The following PCDH7 variants were observed in gnomAD, a reference collection of about 807,000 sequenced individuals.
PCDH7 encodes protocadherin-7.
In PCDH7, 17 loss-of-function variants were observed where a neutral mutation model predicts 58.9. The ratio of observed to expected loss-of-function variants is 0.29; its 90% CI spans 0.20 to 0.43. PCDH7 has a LOEUF of 0.43. Among genes scored for constraint, PCDH7 ranks in the 20% least tolerant of loss-of-function variants. PCDH7 has a pLI of 1.00. For missense variants in PCDH7, 1,274 were observed against 1,441.0 expected (o/e 0.88, Z 1.88); for synonymous variants, 664 against 616.4 (o/e 1.08, Z -1.14).
At chr4:31,033,640 A>T (rs1560590810) in intron 3 of PCDH7, among the ~76,000 whole-genome samples, 1 of 152,186 alleles carries the variant, frequency 6.6e-6, no homozygotes, top group Non-Finnish European at 1.5e-5. Context: ...ACTTGCATAG[A>T]CAGTTTAATC....
At chr4:31,077,820 T>C (rs1759133280) in intron 3 of PCDH7, among the ~76,000 whole-genome samples, 1 of 152,086 alleles carries the variant, frequency 6.6e-6, no homozygotes, top group Non-Finnish European at 1.5e-5. Context: ...GATATATGAC[T>C]CTGAAATTTA....
intron 3 of PCDH7, among the ~76,000 whole-genome samples, chr4:31,127,979 G>T (rs548985078): frequency 6.6e-6 from 1 of 151,522 alleles, no homozygotes; most frequent in African/African-American, 2.4e-5. Context: ...CAGTGATCAA[G>T]TACCTATATG....
chr4:30,847,978 A>T (rs1732204780), intron 1 of PCDH7, among the ~76,000 whole-genome samples: 1 of 152,134 alleles, frequency 6.6e-6, no homozygotes, highest in Non-Finnish European at 1.5e-5. Context: ...AAACTTTTTC[A>T]TTTTGCAGCT....
At chr4:30,758,666 G>A (rs1719625825) in intron 1 of PCDH7, among the ~76,000 whole-genome samples, 1 of 152,150 alleles carries the variant, frequency 6.6e-6, no homozygotes, top group African/African-American at 2.4e-5. Flanking sequence ...GACCCTGCCT[G>A]CATCGGTGGA....
intron 3 of PCDH7, among the ~76,000 whole-genome samples, chr4:30,968,339 A>T (rs1444639406): frequency 1.2e-5 from 1 of 80,950 alleles, no homozygotes; most frequent in African/African-American, 8.1e-5. Context: ...ATATACACAC[A>T]CTATATATAT....
chr4:30,976,546 G>A (rs965349397), intron 3 of PCDH7, among the ~76,000 whole-genome samples: 18 of 150,912 alleles, frequency 1.2e-4, no homozygotes, highest in African/African-American at 3.7e-4. Context: ...GATTACAGGC[G>A]CCTGCCACCA....
intron 3 of PCDH7, among the ~76,000 whole-genome samples, chr4:31,127,543 C>T (rs1203147303): frequency 6.6e-6 from 1 of 151,954 alleles, no homozygotes; most frequent in African/African-American, 2.4e-5. Context: ...TGAAAGTCTA[C>T]CAGAAGATTT....
At chr4:30,948,628 T>C (rs1003018473) in intron 2 of PCDH7, among the ~76,000 whole-genome samples, 1 of 152,166 alleles carries the variant, frequency 6.6e-6, no homozygotes, top group South Asian at 2.1e-4. Context: ...AAAAAGTATA[T>C]GCTCAATAAT....
chr4:30,767,520 TAGC>T (rs1447775280), intron 1 of PCDH7, among the ~76,000 whole-genome samples: 1 of 152,190 alleles, frequency 6.6e-6, no homozygotes, highest in East Asian at 1.9e-4. Flanking sequence ...TGAGTTTTGC[TAGC>T]AGAAGTTCAA....
chr4:30,936,191 C>T (rs1745320402), intron 2 of PCDH7, among the ~76,000 whole-genome samples: 1 of 151,804 alleles, frequency 6.6e-6, no homozygotes, highest in African/African-American at 2.4e-5. Flanking sequence ...TTGGTGTCTA[C>T]CTGAGGGTTC....
chr4:31,052,975 C>T (rs1192935517), intron 3 of PCDH7, among the ~76,000 whole-genome samples: 1 of 152,048 alleles, frequency 6.6e-6, no homozygotes, highest in African/African-American at 2.4e-5. Context: ...GGTGTGACTG[C>T]TATCTATTCG....
intron 1 of PCDH7, among the ~76,000 whole-genome samples, chr4:30,780,000 G>A (rs1259476117): frequency 6.6e-6 from 1 of 152,124 alleles, no homozygotes; most frequent in African/African-American, 2.4e-5. Flanking sequence ...GGCCTGAAGA[G>A]GATAATAATG....
intron 3 of PCDH7, among the ~76,000 whole-genome samples, chr4:31,074,033 A>T (rs765211986): frequency 5.3e-5 from 8 of 151,718 alleles, no homozygotes; most frequent in Non-Finnish European, 1.0e-4. Flanking sequence ...TCCTCTTCCT[A>T]CTATCCATGC....
At chr4:31,048,401 T>G (rs1756462926) in intron 3 of PCDH7, among the ~76,000 whole-genome samples, 1 of 152,098 alleles carries the variant, frequency 6.6e-6, no homozygotes, top group African/African-American at 2.4e-5. Context: ...TACATCCCAC[T>G]AAGGCATGTA....
At chr4:30,984,130 A>C (rs553170560) in intron 3 of PCDH7, among the ~76,000 whole-genome samples, 2 of 152,340 alleles carry the variant, frequency 1.3e-5, no homozygotes, top group East Asian at 3.9e-4. Context: ...ATTAATAAAA[A>C]TATGTAAAAC....
intron 1 of PCDH7, among the ~76,000 whole-genome samples, chr4:30,816,390 T>C (rs1286898152): frequency 6.6e-6 from 1 of 152,198 alleles, no homozygotes; most frequent in Non-Finnish European, 1.5e-5. Context: ...GGAATTTAAA[T>C]TCAAAAGGTG....
intron 3 of PCDH7, among the ~76,000 whole-genome samples, chr4:31,066,663 A>G (rs1758120139): frequency 6.6e-6 from 1 of 151,846 alleles, no homozygotes; most frequent in Non-Finnish European, 1.5e-5. Flanking sequence ...CTTTGCTATA[A>G]TGCTTGATTT....
intron 1 of PCDH7, among the ~76,000 whole-genome samples, chr4:30,745,980 C>T (rs953433968): frequency 6.6e-6 from 1 of 152,098 alleles, no homozygotes; most frequent in Admixed American, 6.5e-5. Context: ...GCTGGGATTA[C>T]AGGCATGCAC....
At chr4:30,908,719 G>C (rs1420596774) in intron 1 of PCDH7, among the ~76,000 whole-genome samples, 1 of 152,002 alleles carries the variant, frequency 6.6e-6, no homozygotes, top group Non-Finnish European at 1.5e-5. Flanking sequence ...AGAGGAGCTG[G>C]TACCATTTCT....
Sources: allele counts gnomAD v4.1 joint callset (sites outside exome capture counted in the v4.1 genomes callset), GRCh38; gene constraint gnomAD v4.1.1; transcripts MANE v1.5; gene names NCBI Gene and HGNC (gene_info 2026-07-23, HGNC 2026-07-21).